The following PIK3R2 variants were observed in gnomAD, a reference collection of about 807,000 sequenced individuals.
PIK3R2 encodes phosphatidylinositol 3-kinase regulatory subunit beta.
A neutral mutation model predicts 78.5 loss-of-function variants in PIK3R2; 40 were observed. That is an observed-to-expected ratio of 0.51 (90% confidence interval 0.40 to 0.66). The LOEUF (loss-of-function observed/expected upper bound fraction) is 0.66, where lower values mean the gene tolerates loss of function less well. Among genes scored for constraint, PIK3R2 ranks in the 30% least tolerant of loss-of-function variants. The pLI, the probability that PIK3R2 is intolerant of heterozygous loss-of-function variation, is 0.00. For missense variants in PIK3R2, 880 were observed against 1,026.6 expected (o/e 0.86, Z 1.95); for synonymous variants, 473 against 457.7 (o/e 1.03, Z -0.43).
chr19:18,168,938 G>A lies in PIK3R2; in HGVS notation c.1979+42G>A. 1.9e-6 allele frequency: 3 copies of A among 1,591,150 alleles called. No individual in the cohort carries two copies. The East Asian group carries it at 6.9e-5, about 37-fold the overall frequency. Reference sequence around the variant, plus strand: ...GGTGGGGATTCCCGCGTCCCTCCCAGAGCTCTCATTGAATGCCTGCCGCGT... The same window carrying A: ...GGTGGGGATTCCCGCGTCCCTCCCAAAGCTCTCATTGAATGCCTGCCGCGT... On this transcript the variant is annotated intron_variant, in intron 15 of 15. Transcript: ENST00000222254. This position sits in a 1 kb window ranked among gnomAD's most constrained non-coding sequence, Gnocchi z 4.1.
chr19:18,161,574 C>A lies in PIK3R2; in HGVS notation c.815+79C>A. ...GGCGGGGCATGGCCAGAGTGAGCGG[C>A]GTCTAGACCCTAAGAAGGGAGGGGA... On this transcript the variant is annotated intron_variant, in intron 6 of 15. Coordinates refer to ENST00000222254, the MANE Select transcript of PIK3R2 (RefSeq NM_005027.4). This position sits in a 1 kb window ranked among gnomAD's most constrained non-coding sequence, Gnocchi z 5.3. 1 of 501,058 alleles carries A rather than the reference C, an allele frequency of 2.0e-6. No individual in the cohort carries two copies. Among genetic ancestry groups the A allele is most frequent in the Non-Finnish European group, 3.0e-6 (1 of 327,910 alleles). 31.0% of individuals were successfully genotyped at this position (501,058 alleles called of 1,614,324 possible). A position where few individuals can be genotyped will look rare whatever the true frequency, so the allele number is the denominator to read the frequency against.
intron 11 of PIK3R2, 94 bp from the exon 12 acceptor site, chr19:18,166,066 G>GC: frequency 6.8e-7 from 1 of 1,466,298 alleles, no homozygotes; most frequent in Non-Finnish European, 9.5e-7. Flanking sequence ...ACCAGCTTGA[G>GC]CAGTCTCCGT....
chr19:18,166,264 G>C lies in PIK3R2; in HGVS notation c.1521G>C (p.Glu507Asp), dbSNP rs1452654550. The C allele has an allele frequency of 3.1e-6, 5 of 1,614,184 alleles. No homozygotes were observed. The highest frequency in any genetic ancestry group is 4.2e-6 in the Non-Finnish European group (5 of 1,180,040). ...AGAAATGCAGCAAGGAATACCTGGA[G>C]CGCTTCCGGCGTGAGGGCAACGAGA... ...TQEKCSKEYL[E>D]RFRREGNEKE... The change falls in exon 12 of 16, where the codon GAG becomes GAC. Residue 507 changes from glutamate to aspartate, a missense_variant. Physicochemically the swap from Glu to Asp is conservative, Grantham distance 45 (BLOSUM62 2). Around this residue, in one of 3 missense-constraint regions of PIK3R2, gnomAD observed 156 missense variants for 241.0 expected, o/e 0.65. Transcript: ENST00000222254.
In PIK3R2 at chr19:18,160,867, C is replaced by T; in HGVS notation, c.416-52C>T. On this transcript the variant is annotated intron_variant, in intron 3 of 15. Coordinates refer to ENST00000222254, the MANE Select transcript of PIK3R2 (RefSeq NM_005027.4). ...GGTTGAGCGGCCAGTCCAGGCCTCA[C>T]GAGGTCGGGGCAGCATTTGAGAGCT... 7 of 1,566,616 alleles carry T rather than the reference C, an allele frequency of 4.5e-6. No homozygotes were observed. The South Asian group carries it at 8.1e-5, about 18-fold the overall frequency.
chr19:18,166,081 G>T (rs773521487), intron 11 of PIK3R2, 79 bp from the exon 12 acceptor site: 3 of 1,574,112 alleles, frequency 1.9e-6, no homozygotes, highest in South Asian at 2.2e-5. Context: ...CTCCGTATCA[G>T]AGTTGAGATG....
chr19:18,153,794 C>G (rs1000817045), intron 1 of PIK3R2, among the ~76,000 whole-genome samples: 2 of 152,172 alleles, frequency 1.3e-5, no homozygotes, highest in Non-Finnish European at 2.9e-5. Flanking sequence ...ATTCGGGGAG[C>G]GCTGCTCCCG....
At chr19:18,162,924 G>A (rs2043766209) in intron 9 of PIK3R2, 43 bp from the exon 10 acceptor site, 7 of 1,580,140 alleles carry the variant, frequency 4.4e-6, no homozygotes, top group Non-Finnish European at 6.1e-6. Flanking sequence ...TGAGGGTCAG[G>A]TGCGGGGTCC....
chr19:18,161,095 CTGGCTGACGGCAT>C lies in PIK3R2; in HGVS notation c.510_522del (p.Ala171ArgfsTer12). Reference sequence around the variant, plus strand: ...CGTGGATCAGTGGGACACGGCAGCCCTGGCTGACGGCATTAAGAGCTTCCTGCTGGCACTGCCC... The same window carrying C: ...CGTGGATCAGTGGGACACGGCAGCCCTAAGAGCTTCCTGCTGGCACTGCCC... On this transcript the variant is annotated frameshift_variant, in exon 5 of 16. Transcript: ENST00000222254. LOFTEE classifies it high-confidence loss of function. The surrounding 1 kb of genome is among the most constrained non-coding windows in gnomAD (Gnocchi z 5.3). 1 of 1,605,682 alleles carries C rather than the reference CTGGCTGACGGCAT, an allele frequency of 6.2e-7. No homozygotes were observed. The highest frequency in any genetic ancestry group is 8.5e-7 in the Non-Finnish European group (1 of 1,176,894).
rs756267462 is a variant in PIK3R2 at position 18,156,171 on chromosome 19, G to T, written c.292G>T (p.Ala98Ser). 4 of 1,452,394 alleles carry T rather than the reference G, an allele frequency of 2.8e-6. No individual in the cohort carries two copies. The allele number at this position is 1,452,394 out of a possible 1,614,324, so 90.0% of individuals were successfully genotyped here. ...PRPRGPRPLP[A>S]RPRDGAPEPG... Reference sequence around the variant, plus strand: ...CCCACGGGGCCCCCGCCCACTGCCCGCCAGGCCCCGTGATGGGGCCCCTGA... The same window carrying T: ...CCCACGGGGCCCCCGCCCACTGCCCTCCAGGCCCCGTGATGGGGCCCCTGA... The change falls in exon 2 of 16, where the codon GCC becomes TCC. Residue 98 changes from alanine to serine, a missense_variant. Ala to Ser is a moderately conservative substitution (Grantham distance 99). Around this residue, in one of 3 missense-constraint regions of PIK3R2, gnomAD observed 456 missense variants for 486.6 expected, o/e 0.94. Transcript: ENST00000222254. The surrounding 1 kb of genome is among the most constrained non-coding windows in gnomAD (Gnocchi z 4.2).
In PIK3R2 at chr19:18,161,432, G is replaced by T. The variant is rs1441759829; in HGVS notation, c.752G>T (p.Gly251Val). The T allele has an allele frequency of 3.3e-6, 4 of 1,212,566 alleles. No homozygotes were observed. In the East Asian group the frequency reaches 1.0e-4, roughly 32 times the overall value. 75.1% of individuals were successfully genotyped at this position (1,212,566 alleles called of 1,614,324 possible). A position where few individuals can be genotyped will look rare whatever the true frequency, so the allele number is the denominator to read the frequency against. Residue 251 changes from glycine (G) to valine (V), a missense_variant, in exon 6 of 16, where the codon GGG becomes GTG. Coordinates refer to ENST00000222254, the MANE Select transcript of PIK3R2 (RefSeq NM_005027.4). The surrounding 1 kb of genome is among the most constrained non-coding windows in gnomAD (Gnocchi z 5.3). ...PAVRALGATF[G>V]PLLLRAPPPP... ...GTCCGGGCCCTGGGCGCCACCTTTGGGCCGCTGCTGCTGCGCGCGCCGCCG... is the reference window on the plus strand; with the variant it reads ...GTCCGGGCCCTGGGCGCCACCTTTGTGCCGCTGCTGCTGCGCGCGCCGCCG...
rs2043836487 is a variant in PIK3R2, at chr19:18,168,839, A to G, written c.1922A>G (p.Asp641Gly). Residue 641 changes from aspartate to glycine, a missense_variant, in exon 15 of 16, where the codon GAT becomes GGT. Asp to Gly is a moderately conservative substitution (Grantham distance 94, BLOSUM62 -1). Transcript: ENST00000222254. The surrounding 1 kb of genome is among the most constrained non-coding windows in gnomAD (Gnocchi z 4.1). ...QAEEMLSGKR[D>G]GTFLIRESSQ... ...GAGGAGATGCTGAGTGGCAAGCGGG[A>G]TGGCACCTTCCTCATCCGCGAGAGC... 1 of 1,613,828 alleles carries G rather than the reference A, an allele frequency of 6.2e-7. No homozygotes were observed. The highest frequency in any genetic ancestry group is 8.5e-7 in the Non-Finnish European group (1 of 1,179,908).
At position 18,155,757 on chromosome 19, in the gene PIK3R2, A is replaced by T; in HGVS notation, c.-123A>T. 1.3e-6 allele frequency: 1 copy of T among 775,634 alleles called. No individual in the cohort carries two copies. The highest frequency in any genetic ancestry group is 2.0e-6 in the Non-Finnish European group (1 of 502,138). 48.0% of individuals were successfully genotyped at this position (775,634 alleles called of 1,614,324 possible). ...CCCTGTGGTCGCCTGTGACTGCTGG[A>T]GATAGAGGTCCCAGCACCCCAAGCC... On this transcript the variant is annotated 5_prime_UTR_variant, in exon 2 of 16. Coordinates refer to ENST00000222254, the MANE Select transcript of PIK3R2 (RefSeq NM_005027.4).
rs756748269 is a variant in PIK3R2 at position 18,161,151 on chromosome 19, C to T, written c.564C>T (p.Pro188=). Residue 188 remains proline (P), a synonymous_variant, in exon 5 of 16, where the codon CCC becomes CCT. Transcript: ENST00000222254. This position sits in a 1 kb window ranked among gnomAD's most constrained non-coding sequence, Gnocchi z 5.3. ...LLALPAPLVT[P]EASAEARRAL... is the part of the protein sequence containing the mutation. Reference sequence around the variant, plus strand: ...CACTGCCCGCGCCGCTCGTGACCCCCGAGGCCTCGGCCGAGGCGCGCCGGG... The same window carrying T: ...CACTGCCCGCGCCGCTCGTGACCCCTGAGGCCTCGGCCGAGGCGCGCCGGG... 1 of 1,551,216 alleles carries T rather than the reference C, an allele frequency of 6.4e-7. No individual in the cohort carries two copies. The highest frequency in any genetic ancestry group is 1.4e-5 in the African/African-American group (1 of 73,160).
chr19:18,156,065 G>A lies in PIK3R2; in HGVS notation c.186G>A (p.Glu62=), dbSNP rs1568633135. The A allele has an allele frequency of 6.4e-7, 1 of 1,563,380 alleles. No homozygotes were observed. The highest frequency in any genetic ancestry group is 8.7e-7 in the Non-Finnish European group (1 of 1,154,730). ...QSVGWMPGLN[E]RTRQRGDFPG... ...TGGGCTGGATGCCCGGCCTCAACGA[G>A]CGCACACGGCAGCGAGGTGACTTCC... The change falls in exon 2 of 16, where the codon GAG becomes GAA. Residue 62 remains glutamate, a synonymous_variant. Coordinates refer to ENST00000222254, the MANE Select transcript of PIK3R2 (RefSeq NM_005027.4). This position sits in a 1 kb window ranked among gnomAD's most constrained non-coding sequence, Gnocchi z 4.2.
In PIK3R2 at chr19:18,168,019, C is replaced by G. The variant is rs1001560942; in HGVS notation, c.1737-456C>G. On this transcript the variant is annotated intron_variant, in intron 13 of 15. Transcript: ENST00000222254. The surrounding 1 kb of genome is among the most constrained non-coding windows in gnomAD (Gnocchi z 4.1). Reference sequence around the variant, plus strand: ...GAGCCTCCACCTCCCTCTTGGGCCTCAGGGAGGGCACTGTCGCGTGCCAGG... The same window carrying G: ...GAGCCTCCACCTCCCTCTTGGGCCTGAGGGAGGGCACTGTCGCGTGCCAGG... Among the ~76,000 whole-genome samples the G allele has an allele frequency of 3.3e-5, 5 of 152,220 alleles. No homozygotes were observed. In the East Asian group the frequency reaches 7.7e-4, roughly 23 times the overall value.
chr19:18,155,134 T>C (rs2043663294), intron 1 of PIK3R2, among the ~76,000 whole-genome samples: 4 of 149,666 alleles, frequency 2.7e-5, no homozygotes, highest in African/African-American at 9.9e-5. Context: ...GGGAGACAGG[T>C]TGCAGTGAGC....
At chr19:18,157,965 G>T (rs562235876) in intron 2 of PIK3R2, among the ~76,000 whole-genome samples, 1 of 152,214 alleles carries the variant, frequency 6.6e-6, no homozygotes, top group Non-Finnish European at 1.5e-5. Flanking sequence ...AGGGCTGGGA[G>T]GGGGCTGGGC....
intron 8 of PIK3R2, 34 bp from the exon 9 acceptor site, chr19:18,162,374 G>A (rs756225288): frequency 1.2e-6 from 2 of 1,605,948 alleles, no homozygotes; most frequent in Non-Finnish European, 1.7e-6. Context: ...GTCTCCAGGT[G>A]GCTCGGCAGT....
chr19:18,160,385 C>G, intron 2 of PIK3R2, 86 bp from the exon 3 acceptor site: 1 of 843,328 alleles, frequency 1.2e-6, no homozygotes, highest in African/African-American at 1.7e-5. Flanking sequence ...TCAAACTGCC[C>G]CAGCTGAGGT....
Sources: gnomAD v4.1 joint callset for allele counts (sites outside exome capture counted in the v4.1 genomes callset) on GRCh38, gnomAD v4.1.1 for gene constraint, gnomAD v4.1.1 regional missense constraint, Gnocchi (gnomAD v3.1) non-coding constraint, MANE v1.5 for transcripts, NCBI Gene and HGNC (gene_info 2026-07-23, HGNC 2026-07-21) for gene names.